GRM4: variants seen among roughly 807,000 people sequenced by gnomAD.
The protein encoded by GRM4 is metabotropic glutamate receptor 4.
A neutral mutation model predicts 81.7 loss-of-function variants in GRM4; 28 were observed. The ratio of observed to expected loss-of-function variants is 0.34; its 90% CI spans 0.25 to 0.47. The LOEUF is 0.47. GRM4 is among the 20% of genes least tolerant of loss of function. The pLI, the probability that GRM4 is intolerant of heterozygous loss-of-function variation, is 1.00. For synonymous variants in GRM4, 488 were observed against 528.8 expected (o/e 0.92, Z 1.06); for missense variants, 948 against 1,290.0 (o/e 0.73, Z 4.06).
chr6:34,029,128 T>C (rs1157048417), intron 9 of GRM4, among the ~76,000 whole-genome samples: 1 of 152,192 alleles, frequency 6.6e-6, no homozygotes, highest in African/African-American at 2.4e-5. Context: ...TGCCTCTCCC[T>C]TCCTTCGGGT....
intron 9 of GRM4, among the ~76,000 whole-genome samples, chr6:34,032,268 G>C (rs1246672733): frequency 6.6e-6 from 1 of 152,056 alleles, no homozygotes; most frequent in Admixed American, 6.6e-5. Context: ...GCACCACTGA[G>C]CATGTACATG....
rs1472021543 is a variant in GRM4, at chr6:34,074,756, G to A, written c.737-12728C>T. Among the ~76,000 whole-genome samples the A allele has an allele frequency of 1.3e-5, 2 of 152,202 alleles. No individual in the cohort carries two copies. The highest frequency in any genetic ancestry group is 2.9e-5 in the Non-Finnish European group (2 of 68,032). ...AAAACACCTTTGAAGCGAGAAAGGC[G>A]GAAAAATAATAGAAAAGGGAAGCCG... On this transcript the variant is annotated intron_variant, in intron 3 of 10. Coordinates refer to ENST00000538487, the MANE Select transcript of GRM4 (RefSeq NM_000841.4). The surrounding 1 kb of genome is among the most constrained non-coding windows in gnomAD (Gnocchi z 4.9).
At chr6:34,098,718 A>T (rs1490968838) in intron 2 of GRM4, among the ~76,000 whole-genome samples, 1 of 152,258 alleles carries the variant, frequency 6.6e-6, no homozygotes, top group Non-Finnish European at 1.5e-5. Context: ...GCTTTCAGGT[A>T]ACATGAAAGC....
intron 2 of GRM4, among the ~76,000 whole-genome samples, chr6:34,100,799 C>T (rs974537856): frequency 6.6e-6 from 1 of 152,236 alleles, no homozygotes; most frequent in Admixed American, 6.5e-5. Context: ...TCGCTTCTGT[C>T]CCACAGCACT....
At chr6:34,075,517 G>A (rs1365376548) in intron 3 of GRM4, among the ~76,000 whole-genome samples, 1 of 152,182 alleles carries the variant, frequency 6.6e-6, no homozygotes, top group African/African-American at 2.4e-5. Context: ...CTTTCCTGCA[G>A]TGGAAGCTCA....
At chr6:34,058,228 TATGGGCCAGGGCTAGAAGGCGCC>T (rs1766003788) in intron 5 of GRM4, among the ~76,000 whole-genome samples, 1 of 151,916 alleles carries the variant, frequency 6.6e-6, no homozygotes, top group African/African-American at 2.4e-5. Context: ...TCTGGACAGG[TATGGGCCAGGGCTAGAAGGCGCC>T]ATGGGCCAGG....
At chr6:34,023,122 C>T (rs752523248) in intron 10 of GRM4, among the ~76,000 whole-genome samples, 1 of 152,216 alleles carries the variant, frequency 6.6e-6, no homozygotes, top group Non-Finnish European at 1.5e-5. Context: ...ACGCCTTTGC[C>T]GGGCTGGGCT....
At position 34,068,593 on chromosome 6, in the gene GRM4, G is replaced by C. The variant is rs528362347; in HGVS notation, c.737-6565C>G. 6.6e-6 allele frequency among the ~76,000 whole-genome samples: 1 copy of C among 151,996 alleles called. No homozygotes were observed. The highest frequency in any genetic ancestry group is 1.9e-4 in the East Asian group (1 of 5,180). ...AAGGCCAGCCCTCCAGCAGCCTCCA[G>C]ATCACCTGCCTTCAAAGACCCATCC... On this transcript the variant is annotated intron_variant, in intron 3 of 10. Coordinates refer to ENST00000538487, the MANE Select transcript of GRM4 (RefSeq NM_000841.4). This position sits in a 1 kb window ranked among gnomAD's most constrained non-coding sequence, Gnocchi z 4.2.
rs985498876 is a variant in GRM4 at position 34,068,945 on chromosome 6, T to C, written c.737-6917A>G. ...CCTTCCTTTAAAAAGAATTTTTTTT[T>C]AATTTAAAAAGAGAGGAAAATAATG... On this transcript the variant is annotated intron_variant, in intron 3 of 10. Coordinates refer to ENST00000538487, the MANE Select transcript of GRM4 (RefSeq NM_000841.4). This position sits in a 1 kb window ranked among gnomAD's most constrained non-coding sequence, Gnocchi z 4.2. Among the ~76,000 whole-genome samples, 1 of 152,136 alleles carries C rather than the reference T, an allele frequency of 6.6e-6. No homozygotes were observed. Among genetic ancestry groups the C allele is most frequent in the Non-Finnish European group, 1.5e-5 (1 of 68,012 alleles).
intron 2 of GRM4, among the ~76,000 whole-genome samples, chr6:34,107,779 G>A (rs560740369): frequency 6.6e-6 from 1 of 152,148 alleles, no homozygotes; most frequent in South Asian, 2.1e-4. Flanking sequence ...GGATACCCAC[G>A]GGAGGCCACT....
At position 34,022,013 on chromosome 6, in the gene GRM4, GCGGGGCAGGCGGGCAAGACACA is replaced by G. The variant is rs1332651578; in HGVS notation, c.*786_*807del. On this transcript the variant is annotated 3_prime_UTR_variant, in exon 11 of 11. Coordinates refer to ENST00000538487, the MANE Select transcript of GRM4 (RefSeq NM_000841.4). This position sits in a 1 kb window ranked among gnomAD's most constrained non-coding sequence, Gnocchi z 5.6. ...GGCGGGCAAGACAGACGGCAGACGG[GCGGGGCAGGCGGGCAAGACACA>G]CGGCAGATGGGCGGGGCAGGCGGGC... 20 of 153,384 alleles carry G rather than the reference GCGGGGCAGGCGGGCAAGACACA, an allele frequency of 1.3e-4. No individual in the cohort carries two copies. The highest frequency in any genetic ancestry group is 2.9e-4 in the Non-Finnish European group (20 of 69,096). The allele number at this position is 153,384 out of a possible 1,614,324, so 9.5% of individuals were successfully genotyped here. A position where few individuals can be genotyped will look rare whatever the true frequency, so the allele number is the denominator to read the frequency against.
Position 34,022,767 on chromosome 6 carries a change from G to C in GRM4, c.*54C>G. 6.6e-7 allele frequency: 1 copy of C among 1,508,520 alleles called. No individual in the cohort carries two copies. The highest frequency in any genetic ancestry group is 9.2e-7 in the Non-Finnish European group (1 of 1,084,340). 93.4% of individuals were successfully genotyped at this position (1,508,520 alleles called of 1,614,324 possible). Reference sequence around the variant, plus strand: ...CCCTTGGGTGTGGCCCTGGCCCGACGCACCTTCCACAGGGTCACGGCTCCT... The same window carrying C: ...CCCTTGGGTGTGGCCCTGGCCCGACCCACCTTCCACAGGGTCACGGCTCCT... On this transcript the variant is annotated 3_prime_UTR_variant, in exon 11 of 11. Coordinates refer to ENST00000538487, the MANE Select transcript of GRM4 (RefSeq NM_000841.4). The surrounding 1 kb of genome is among the most constrained non-coding windows in gnomAD (Gnocchi z 5.6).
rs1764629789 is a variant in GRM4 at position 34,035,291 on chromosome 6, G to C, written c.2442+377C>G. 7.0e-6 allele frequency among the ~76,000 whole-genome samples: 1 copy of C among 142,648 alleles called. No individual in the cohort carries two copies. Among genetic ancestry groups the C allele is most frequent in the Non-Finnish European group, 1.5e-5 (1 of 66,782 alleles). The allele number at this position is 142,648 out of a possible 152,430, so 93.6% of individuals were successfully genotyped here. ...ATGGGGTAAGGGCAGCAGGGATGGAGAGACAGGGAGAAAGAGGAGGAGGGG... is the reference window on the plus strand; with the variant it reads ...ATGGGGTAAGGGCAGCAGGGATGGACAGACAGGGAGAAAGAGGAGGAGGGG... On this transcript the variant is annotated intron_variant, in intron 9 of 10. Transcript: ENST00000538487. This position sits in a 1 kb window ranked among gnomAD's most constrained non-coding sequence, Gnocchi z 6.6.
intron 2 of GRM4, among the ~76,000 whole-genome samples, chr6:34,132,611 A>G (rs73744825): frequency 0.017 from 2,605 of 152,074 alleles, 32 homozygotes; most frequent in African/African-American, 0.037. Context: ...CTGTCTGCCT[A>G]TCTCCTCCTC....
At position 34,059,210 on chromosome 6, in the gene GRM4, C is replaced by G. The variant is rs955681584; in HGVS notation, c.873-82G>C. The G allele has an allele frequency of 6.7e-5, 85 of 1,268,298 alleles. No individual in the cohort carries two copies. In the Admixed American group the frequency reaches 1.5e-3, roughly 23 times the overall value. 78.6% of individuals were successfully genotyped at this position (1,268,298 alleles called of 1,614,324 possible). On this transcript the variant is annotated intron_variant, in intron 4 of 10. Coordinates refer to ENST00000538487, the MANE Select transcript of GRM4 (RefSeq NM_000841.4). This position sits in a 1 kb window ranked among gnomAD's most constrained non-coding sequence, Gnocchi z 5.7. Reference sequence around the variant, plus strand: ...CTCCTGGCCACACTTGCTTTGGGCCCACGTCCCTCACCCCCAGAAGCCCAG... The same window carrying G: ...CTCCTGGCCACACTTGCTTTGGGCCGACGTCCCTCACCCCCAGAAGCCCAG...
upstream of GRM4, among the ~76,000 whole-genome samples, chr6:34,149,195 A>G (rs962505012): frequency 6.6e-6 from 1 of 151,934 alleles, no homozygotes; most frequent in Non-Finnish European, 1.5e-5. Flanking sequence ...GAAAATCCTG[A>G]CCTTTAGGAT....
chr6:34,118,137 G>A (rs1003889912), intron 2 of GRM4, among the ~76,000 whole-genome samples: 1 of 152,214 alleles, frequency 6.6e-6, no homozygotes, highest in Admixed American at 6.5e-5. Context: ...ATCCTGGATA[G>A]CAGAATGAAT....
Position 34,043,031 on chromosome 6 carries a change from C to T in GRM4, c.1169-2283G>A, listed in dbSNP as rs144287719. Among the ~76,000 whole-genome samples the T allele has an allele frequency of 9.1e-4, 139 of 152,282 alleles. 2 individuals carry two copies. The East Asian group carries it at 0.022, about 24-fold the overall frequency. On this transcript the variant is annotated intron_variant, in intron 6 of 10. Coordinates refer to ENST00000538487, the MANE Select transcript of GRM4 (RefSeq NM_000841.4). ...CCATAGAACCACAACACTAGGGACA[C>T]CAGGACCACGGGGGTCATCTGCCCC... is the stretch of plus-strand genomic sequence containing the variant.
In GRM4 at chr6:34,022,483, G is replaced by A. The variant is rs886462008; in HGVS notation, c.*338C>T. The stretch of plus-strand genomic sequence containing the variant: ...AGGGCTGGAGACAGACAGAGGGGTC[G>A]CCAACAGCACAGACAGAGACGAAGG... On this transcript the variant is annotated 3_prime_UTR_variant, in exon 11 of 11. Transcript: ENST00000538487. The surrounding 1 kb of genome is among the most constrained non-coding windows in gnomAD (Gnocchi z 5.6). The A allele has an allele frequency of 2.1e-5, 7 of 334,050 alleles. No homozygotes were observed. The highest frequency in any genetic ancestry group is 1.1e-5 in the Non-Finnish European group (2 of 180,724). 20.7% of individuals were successfully genotyped at this position (334,050 alleles called of 1,614,324 possible).
Sources: gnomAD v4.1 joint callset for allele counts (sites outside exome capture counted in the v4.1 genomes callset) on GRCh38, gnomAD v4.1.1 for gene constraint, Gnocchi (gnomAD v3.1) non-coding constraint, MANE v1.5 for transcripts, NCBI Gene and HGNC (gene_info 2026-07-23, HGNC 2026-07-21) for gene names.